Variants in CEACAM5 observed in about 807,000 individuals in gnomAD.
CEACAM5 encodes CEA cell adhesion molecule 5, also known as cell adhesion molecule CEACAM5.
A neutral mutation model predicts 63.0 loss-of-function variants in CEACAM5; 52 were observed. The ratio of observed to expected loss-of-function variants is 0.83; its 90% CI spans 0.66 to 1.04. The LOEUF (loss-of-function observed/expected upper bound fraction) is 1.04. Ranked by LOEUF, CEACAM5 falls within the 50% of genes least tolerant of loss-of-function variation. The pLI is 0.00. For missense variants in CEACAM5, 790 were observed against 864.8 expected (o/e 0.91, Z 1.08); for synonymous variants, 357 against 351.3 (o/e 1.02, Z -0.18).
At chr19:41,718,455 A>G in intron 6 of CEACAM5, 73 bp downstream of exon 6, 1 of 1,555,744 alleles carries the variant, frequency 6.4e-7, no homozygotes. Flanking sequence ...AAGAGCCAGG[A>G]AGAAATTTTC....
At position 41,718,117 on chromosome 19, in the gene CEACAM5, C is replaced by T. The variant is rs782543323; in HGVS notation, c.1238-11C>T. 9 of 1,613,816 alleles carry T rather than the reference C, an allele frequency of 5.6e-6. No homozygotes were observed. The highest frequency in any genetic ancestry group is 1.6e-4 in the Middle Eastern group (1 of 6,084). Reference sequence around the variant, plus strand: ...TGACATTCACCTGTGGCCCTATTCTCTTTGCTCCAGATGGCCCAGACGACC... The same window carrying T: ...TGACATTCACCTGTGGCCCTATTCTTTTTGCTCCAGATGGCCCAGACGACC... On this transcript the variant is annotated splice_polypyrimidine_tract_variant and intron_variant, in intron 5 of 9. Transcript: ENST00000221992.
chr19:41,727,650 C>G (rs1555817299), intron 9 of CEACAM5, among the ~76,000 whole-genome samples: 1 of 152,202 alleles, frequency 6.6e-6, no homozygotes, highest in African/African-American at 2.4e-5. Context: ...GTCATTCTCT[C>G]CATTCCCATA....
rs1555815906 is a variant in CEACAM5, at chr19:41,720,197, T to A, written c.1760T>A (p.Leu587Gln). 1 of 1,613,914 alleles carries A rather than the reference T, an allele frequency of 6.2e-7. No homozygotes were observed. The highest frequency in any genetic ancestry group is 8.5e-7 in the Non-Finnish European group (1 of 1,179,756). The change falls in exon 7 of 10, where the codon CTG becomes CAG. Residue 587 changes from leucine to glutamine, a missense_variant. Leu to Gln is a moderately radical substitution (Grantham distance 113, BLOSUM62 -2). Transcript: ENST00000221992. ...GCAAACCGCAGTGACCCAGTCACCC[T>A]GGATGTCCTCTGTGAGTATCTTCTG... ...VSANRSDPVT[L>Q]DVLYGPDTPI...
chr19:41,713,034 C>A (rs782082704), intron 2 of CEACAM5, among the ~76,000 whole-genome samples: 2 of 152,182 alleles, frequency 1.3e-5, no homozygotes, highest in Non-Finnish European at 2.9e-5. Flanking sequence ...AGGCCGGGCA[C>A]GGTGGCTCAT....
In CEACAM5 at chr19:41,709,704, C is replaced by T. The variant is rs782202653; in HGVS notation, c.89C>T (p.Pro30Leu). The T allele has an allele frequency of 9.3e-6, 15 of 1,613,814 alleles. No individual in the cohort carries two copies. The African/African-American group carries it at 9.3e-5, about 10-fold the overall frequency. ...GCCTCACTTCTAACCTTCTGGAACC[C>T]GCCCACCACTGCCAAGCTCACTATT... The part of the protein sequence containing the change: ...LTASLLTFWN[P>L]PTTAKLTIES... The change falls in exon 2 of 10, where the codon CCG becomes CTG. Residue 30 changes from proline (P) to leucine (L), a missense_variant. By Grantham distance (98) the Pro-to-Leu change is moderately conservative (BLOSUM62 -3). Coordinates refer to ENST00000221992, the MANE Select transcript of CEACAM5 (RefSeq NM_004363.6).
rs782369714 is a variant in CEACAM5, at chr19:41,721,061, A to G, written c.1911A>G (p.Thr637=). The G allele has an allele frequency of 4.4e-5, 71 of 1,614,016 alleles. No individual in the cohort carries two copies. The highest frequency in any genetic ancestry group is 3.4e-6 in the Non-Finnish European group (4 of 1,180,040). ...TCAATGGGATACCGCAGCAACACACACAAGTTCTCTTTATCGCCAAAATCA... is the reference window on the plus strand; with the variant it reads ...TCAATGGGATACCGCAGCAACACACGCAAGTTCTCTTTATCGCCAAAATCA... The part of the protein sequence containing the change: ...WRINGIPQQH[T]QVLFIAKITP... Residue 637 remains threonine, a synonymous_variant, in exon 8 of 10, where the codon ACA becomes ACG. Transcript: ENST00000221992.
chr19:41,715,591 C>A, intron 3 of CEACAM5, 59 bp from the exon 4 acceptor site: 1 of 1,599,754 alleles, frequency 6.3e-7, no homozygotes, highest in Non-Finnish European at 8.5e-7. Flanking sequence ...CTTCCATAGA[C>A]CAGGAACTTC....
chr19:41,720,881 C>T (rs376154286), intron 7 of CEACAM5, 41 bp from the exon 8 acceptor site: 1 of 1,609,026 alleles, frequency 6.2e-7, no homozygotes, highest in African/African-American at 1.3e-5. Flanking sequence ...TTCCCCTTTC[C>T]TCTGATGACA....
chr19:41,720,635 T>A (rs562643720), intron 7 of CEACAM5, among the ~76,000 whole-genome samples: 2 of 151,424 alleles, frequency 1.3e-5, no homozygotes, highest in Admixed American at 6.6e-5. Context: ...GCCTCCCGAG[T>A]AACTGGGATT....
intron 7 of CEACAM5, 117 bp downstream of exon 7, chr19:41,720,325 C>A (rs571216305): frequency 1.5e-6 from 2 of 1,291,712 alleles, no homozygotes; most frequent in Non-Finnish European, 2.2e-6. Context: ...CCTGGACACC[C>A]AGGCTGGCCA....
chr19:41,715,805 C>T lies in CEACAM5; in HGVS notation c.859C>T (p.Pro287Ser). The change falls in exon 4 of 10, where the codon CCC becomes TCC. Residue 287 changes from proline to serine, a missense_variant. Coordinates refer to ENST00000221992, the MANE Select transcript of CEACAM5 (RefSeq NM_004363.6). ...GCAATCCACCCAAGAGCTCTTTATC[C>T]CCAACATCACTGTGAATAATAGTGG... Reference protein sequence around the residue: ...FQQSTQELFIPNITVNNSGSY... With the variant: ...FQQSTQELFISNITVNNSGSY... 1.2e-6 allele frequency: 2 copies of T among 1,614,182 alleles called. No individual in the cohort carries two copies. The highest frequency in any genetic ancestry group is 1.7e-6 in the Non-Finnish European group (2 of 1,180,034).
Position 41,718,217 on chromosome 19 carries a change from C to G in CEACAM5, c.1327C>G (p.Pro443Ala). The G allele has an allele frequency of 1.2e-6, 2 of 1,614,208 alleles. No individual in the cohort carries two copies. The highest frequency in any genetic ancestry group is 8.5e-7 in the Non-Finnish European group (1 of 1,180,028). The change falls in exon 6 of 10, where the codon CCA becomes GCA. Residue 443 changes from proline (P) to alanine (A), a missense_variant. Physicochemically the swap from Pro to Ala is conservative, Grantham distance 27. Coordinates refer to ENST00000221992, the MANE Select transcript of CEACAM5 (RefSeq NM_004363.6). Reference sequence around the variant, plus strand: ...CCTCTCCTGCCATGCAGCCTCTAACCCACCTGCACAGTATTCTTGGCTGAT... The same window carrying G: ...CCTCTCCTGCCATGCAGCCTCTAACGCACCTGCACAGTATTCTTGGCTGAT... ...LSLSCHAASN[P>A]PAQYSWLIDG...
chr19:41,718,790 A>G (rs1407334624), intron 6 of CEACAM5, among the ~76,000 whole-genome samples: 1 of 152,234 alleles, frequency 6.6e-6, no homozygotes, highest in South Asian at 2.1e-4. Flanking sequence ...ACAAGCTCAC[A>G]CTTTTTCCCC....
At chr19:41,722,892 T>C (rs1434431659) in intron 8 of CEACAM5, among the ~76,000 whole-genome samples, 1 of 140,726 alleles carries the variant, frequency 7.1e-6, no homozygotes, top group Non-Finnish European at 1.5e-5. Flanking sequence ...AATTCTTTTT[T>C]TTGTTTGTTT....
chr19:41,720,417 G>A (rs2072600101), intron 7 of CEACAM5, among the ~76,000 whole-genome samples: 3 of 152,182 alleles, frequency 2.0e-5, no homozygotes, highest in African/African-American at 7.2e-5. Context: ...GTCCTAGGAG[G>A]CTCAGAGTCC....
At chr19:41,722,526 A>G (rs1555816428) in intron 8 of CEACAM5, among the ~76,000 whole-genome samples, 1 of 152,172 alleles carries the variant, frequency 6.6e-6, no homozygotes, top group East Asian at 1.9e-4. Context: ...GGTAATCTCC[A>G]TTCTACTTTC....
In CEACAM5 at chr19:41,715,441, G is replaced by A. The variant is rs150028122; in HGVS notation, c.703+192G>A. On this transcript the variant is annotated intron_variant, in intron 3 of 9. Coordinates refer to ENST00000221992, the MANE Select transcript of CEACAM5 (RefSeq NM_004363.6). ...GACCAAGAATAGGAGGGGAGGGGCTGCTTCTGTCCTGGGAGGCTCAGGGTC... is the reference window on the plus strand; with the variant it reads ...GACCAAGAATAGGAGGGGAGGGGCTACTTCTGTCCTGGGAGGCTCAGGGTC... 6.3e-4 allele frequency: 711 copies of A among 1,127,424 alleles called. 6 individuals carry two copies. The African/African-American group carries it at 9.8e-3, about 15-fold the overall frequency. 69.8% of individuals were successfully genotyped at this position (1,127,424 alleles called of 1,614,324 possible).
In CEACAM5 at chr19:41,721,910, G is replaced by A. The variant is rs1317481438; in HGVS notation, c.2026+734G>A. On this transcript the variant is annotated intron_variant, in intron 8 of 9. Coordinates refer to ENST00000221992, the MANE Select transcript of CEACAM5 (RefSeq NM_004363.6). ...TGGACACAGCACATAGGACACAGCA[G>A]AGGAAAGTGAGTGACACACACTTGG... Among the ~76,000 whole-genome samples the A allele has an allele frequency of 2.6e-5, 4 of 152,236 alleles. No individual in the cohort carries two copies. In the East Asian group the frequency reaches 7.7e-4, roughly 29 times the overall value.
intron 8 of CEACAM5, 118 bp downstream of exon 8, chr19:41,721,294 C>T: frequency 8.6e-7 from 1 of 1,168,674 alleles, no homozygotes. Flanking sequence ...ACAAGGAAAT[C>T]CCAAATTCTA....
Sources: allele counts gnomAD v4.1 joint callset (sites outside exome capture counted in the v4.1 genomes callset), GRCh38; gene constraint gnomAD v4.1.1; transcripts MANE v1.5; gene names NCBI Gene and HGNC (gene_info 2026-07-23, HGNC 2026-07-21).